Variants in LTBP1 observed in about 807,000 individuals in gnomAD.
LTBP1 encodes latent transforming growth factor beta binding protein 1.
LTBP1 carries 129 observed loss-of-function variants against 207.6 expected under a neutral mutation model. That is an observed-to-expected ratio of 0.62 (90% CI 0.54 to 0.72). The LOEUF (loss-of-function observed/expected upper bound fraction) is 0.72, where lower values mean the gene tolerates loss of function less well. Ranked by LOEUF, LTBP1 falls within the 30% of genes least tolerant of loss-of-function variation. LTBP1 has a pLI of 0.00. For synonymous variants in LTBP1, 963 were observed against 833.7 expected (o/e 1.16, Z -2.67); for missense variants, 2,281 against 2,217.2 (o/e 1.03, Z -0.58).
chr2:33,301,335 A>G (rs2093985877), intron 21 of LTBP1, among the ~76,000 whole-genome samples, 187 bp from the exon 22 acceptor site: 1 of 152,230 alleles, frequency 6.6e-6, no homozygotes, highest in East Asian at 1.9e-4. Flanking sequence ...CCACGTCTTC[A>G]TGTATACTCT....
chr2:33,398,614 A>G lies in LTBP1; in HGVS notation c.*69A>G. On this transcript the variant is annotated 3_prime_UTR_variant, in exon 34 of 34. Transcript: ENST00000404816. Reference sequence around the variant, plus strand: ...AAAGGAAAAGGGAGAAATGTATTATACTTGAGACATTGCACCTACCCCGGA... The same window carrying G: ...AAAGGAAAAGGGAGAAATGTATTATGCTTGAGACATTGCACCTACCCCGGA... 7.0e-7 allele frequency: 1 copy of G among 1,423,806 alleles called. No individual in the cohort carries two copies. The highest frequency in any genetic ancestry group is 9.5e-7 in the Non-Finnish European group (1 of 1,051,650). The allele number at this position is 1,423,806 out of a possible 1,614,324, so 88.2% of individuals were successfully genotyped here.
At position 33,266,040 on chromosome 2, in the gene LTBP1, C is replaced by T. The variant is rs549450265; in HGVS notation, c.2617+2648C>T. On this transcript the variant is annotated intron_variant, in intron 15 of 33. Transcript: ENST00000404816. ...GGGTGCAGCTACAGTCACCTAGCCA[C>T]GGCTCCAGATCTAGACATCCCTGCA... Among the ~76,000 whole-genome samples, 25 of 152,330 alleles carry T rather than the reference C, an allele frequency of 1.6e-4. No individual in the cohort carries two copies. In the South Asian group the frequency reaches 3.9e-3, roughly 24 times the overall value.
At chr2:33,101,411 T>C (rs2079732195) in intron 3 of LTBP1, among the ~76,000 whole-genome samples, 2 of 152,214 alleles carry the variant, frequency 1.3e-5, no homozygotes, top group Admixed American at 6.5e-5. Flanking sequence ...AGTGAAAGAA[T>C]TGAATATCAG....
intron 4 of LTBP1, among the ~76,000 whole-genome samples, chr2:33,115,905 T>A (rs545370045): frequency 2.0e-5 from 3 of 152,304 alleles, no homozygotes; most frequent in Admixed American, 1.3e-4. Context: ...ATAATAAGTG[T>A]CTACATCATA....
At chr2:33,005,651 A>G (rs1401559511) in intron 2 of LTBP1, among the ~76,000 whole-genome samples, 3 of 148,720 alleles carry the variant, frequency 2.0e-5, no homozygotes, top group Admixed American at 6.8e-5. Flanking sequence ...CTGTGGCACA[A>G]TCTTGGCTCA....
intron 7 of LTBP1, among the ~76,000 whole-genome samples, chr2:33,201,936 T>C (rs529860595): frequency 7.2e-5 from 11 of 151,922 alleles, no homozygotes; most frequent in African/African-American, 1.7e-4. Context: ...GAATGGACCA[T>C]TGGAGAACAA....
chr2:33,139,785 G>A (rs1384181041), intron 5 of LTBP1, among the ~76,000 whole-genome samples: 5 of 152,196 alleles, frequency 3.3e-5, no homozygotes, highest in Non-Finnish European at 7.3e-5. Context: ...GCATGGAGAT[G>A]TGAAAGCAGA....
At chr2:32,968,915 G>GTGT (rs758748013) in intron 2 of LTBP1, among the ~76,000 whole-genome samples, 6 of 86,244 alleles carry the variant, frequency 7.0e-5, no homozygotes, top group African/African-American at 1.7e-4. Context: ...GTGTGTGTGT[G>GTGT]TATTTTTTTT....
chr2:33,126,269 A>G (rs1363268252), intron 4 of LTBP1, among the ~76,000 whole-genome samples: 1 of 152,114 alleles, frequency 6.6e-6, no homozygotes, highest in African/African-American at 2.4e-5. Flanking sequence ...GGGTCTTGCT[A>G]TATTGCCAGG....
intron 11 of LTBP1, among the ~76,000 whole-genome samples, chr2:33,256,357 G>A (rs577170207): frequency 6.6e-5 from 10 of 151,538 alleles, no homozygotes; most frequent in Non-Finnish European, 7.4e-5. Flanking sequence ...CCCCTTTTCC[G>A]TCCTCCGTAA....
intron 9 of LTBP1, among the ~76,000 whole-genome samples, chr2:33,240,264 C>T (rs1206932296): frequency 6.6e-6 from 1 of 152,034 alleles, no homozygotes; most frequent in Non-Finnish European, 1.5e-5. Context: ...TACCATTCAC[C>T]CATCACATTC....
chr2:33,134,487 A>G lies in LTBP1; in HGVS notation c.1034-306A>G, dbSNP rs1338396019. ...CGGTATTGCTCTTTGTCTGCCCGTG[A>G]ATAAAGTGCAGCATTGTGGTTAGTA... is the stretch of plus-strand genomic sequence containing the variant. On this transcript the variant is annotated intron_variant, in intron 4 of 33. Transcript: ENST00000404816. This position sits in a 1 kb window ranked among gnomAD's most constrained non-coding sequence, Gnocchi z 4.4. The G allele has an allele frequency of 8.0e-7, 1 of 1,256,272 alleles. No individual in the cohort carries two copies. The highest frequency in any genetic ancestry group is 1.1e-6 in the Non-Finnish European group (1 of 908,336). The allele number at this position is 1,256,272 out of a possible 1,614,324, so 77.8% of individuals were successfully genotyped here. A position where few individuals can be genotyped will look rare whatever the true frequency, so the allele number is the denominator to read the frequency against.
chr2:33,132,814 G>A (rs1006970451), intron 4 of LTBP1, among the ~76,000 whole-genome samples: 9 of 152,184 alleles, frequency 5.9e-5, no homozygotes, highest in African/African-American at 1.9e-4. Flanking sequence ...CCCAGCTGAT[G>A]GGTTCAAGTC....
chr2:33,031,031 T>A (rs2075668320), intron 3 of LTBP1, among the ~76,000 whole-genome samples: 1 of 152,230 alleles, frequency 6.6e-6, no homozygotes, highest in Non-Finnish European at 1.5e-5. Context: ...AGATTGTTTT[T>A]ATCAAATATT....
chr2:33,183,731 G>A (rs2086899993), intron 5 of LTBP1, among the ~76,000 whole-genome samples: 1 of 152,200 alleles, frequency 6.6e-6, no homozygotes, highest in Admixed American at 6.5e-5. Flanking sequence ...CCTGTCCAGT[G>A]TAGCCAAACT....
intron 31 of LTBP1, among the ~76,000 whole-genome samples, chr2:33,373,671 T>C (rs774352820): frequency 6.6e-6 from 1 of 152,192 alleles, no homozygotes; most frequent in Non-Finnish European, 1.5e-5. Flanking sequence ...GTAAATGATC[T>C]GAAATGAAAT....
At chr2:33,107,192 T>C (rs1184533224) in intron 3 of LTBP1, among the ~76,000 whole-genome samples, 1 of 152,272 alleles carries the variant, frequency 6.6e-6, no homozygotes, top group Non-Finnish European at 1.5e-5. Flanking sequence ...GGGTAAACAC[T>C]GTCTTGTAAA....
At chr2:33,148,361 A>G (rs1339283396) in intron 5 of LTBP1, among the ~76,000 whole-genome samples, 1 of 152,224 alleles carries the variant, frequency 6.6e-6, no homozygotes, top group African/African-American at 2.4e-5. Context: ...TATGTTCTCT[A>G]TGCTGATAAC....
intron 3 of LTBP1, among the ~76,000 whole-genome samples, chr2:33,087,063 C>T (rs1490771640): frequency 1.4e-5 from 2 of 140,922 alleles, no homozygotes; most frequent in African/African-American, 5.1e-5. Flanking sequence ...CACAGAAGCA[C>T]CAGGCTGTCC....
Sources: gnomAD v4.1 joint callset for allele counts (sites outside exome capture counted in the v4.1 genomes callset) on GRCh38, gnomAD v4.1.1 for gene constraint, Gnocchi (gnomAD v3.1) non-coding constraint, MANE v1.5 for transcripts, NCBI Gene and HGNC (gene_info 2026-07-23, HGNC 2026-07-21) for gene names.